The following ACAP2 variants were observed in gnomAD, a reference collection of about 807,000 sequenced individuals.
ACAP2 encodes the protein ArfGAP with coiled-coil, ankyrin repeat and PH domains 2, also known as arf-GAP with coiled-coil, ANK repeat and PH domain-containing protein 2.
In ACAP2, 39 loss-of-function variants were observed where a neutral mutation model predicts 115.8. The observed-to-expected ratio is 0.34, with a 90% CI of 0.26 to 0.44. ACAP2 has a LOEUF of 0.44. Ranked by LOEUF, ACAP2 falls within the 20% of genes least tolerant of loss-of-function variation. The pLI is 1.00. For synonymous variants in ACAP2, 289 were observed against 315.8 expected (o/e 0.92, Z 0.90); for missense variants, 662 against 927.6 (o/e 0.71, Z 3.72).
intron 21 of ACAP2, among the ~76,000 whole-genome samples, chr3:195,286,989 T>C (rs1300929485): frequency 6.6e-6 from 1 of 152,216 alleles, no homozygotes; most frequent in African/African-American, 2.4e-5. Context: ...ATAATAACAG[T>C]AACCCCTCCT....
chr3:195,368,349 C>T (rs1475826051), intron 4 of ACAP2, among the ~76,000 whole-genome samples: 1 of 152,128 alleles, frequency 6.6e-6, no homozygotes, highest in Non-Finnish European at 1.5e-5. Flanking sequence ...GGGGTTTCAC[C>T]ATGTTGGCCA....
Position 195,382,879 on chromosome 3 carries a change from G to C in ACAP2, c.112-857C>G, listed in dbSNP as rs1291955890. The stretch of plus-strand genomic sequence containing the variant: ...AACTACTATGACAAAACTATGCATG[G>C]AAAAAAAAAAAAAAGGAAGACCATC... On this transcript the variant is annotated intron_variant, in intron 2 of 22. Transcript: ENST00000326793. 4.4e-5 allele frequency among the ~76,000 whole-genome samples: 6 copies of C among 137,022 alleles called. No individual in the cohort carries two copies. In the Admixed American group the frequency reaches 4.4e-4, roughly 10 times the overall value. 89.9% of individuals were successfully genotyped at this position (137,022 alleles called of 152,430 possible). A position where few individuals can be genotyped will look rare whatever the true frequency, so the allele number is the denominator to read the frequency against.
intron 8 of ACAP2, among the ~76,000 whole-genome samples, chr3:195,331,034 T>C (rs997783926): frequency 6.6e-6 from 1 of 152,220 alleles, no homozygotes; most frequent in Non-Finnish European, 1.5e-5. Context: ...AATAAAACTC[T>C]TTTTTAAATT....
chr3:195,425,757 G>A (rs1714637424), intron 1 of ACAP2, among the ~76,000 whole-genome samples: 1 of 151,990 alleles, frequency 6.6e-6, no homozygotes, highest in Non-Finnish European at 1.5e-5. Context: ...CATCCACCCA[G>A]CTGCTAAAGC....
intron 11 of ACAP2, among the ~76,000 whole-genome samples, chr3:195,307,905 T>A (rs1560225619): frequency 6.6e-6 from 1 of 152,176 alleles, no homozygotes; most frequent in Non-Finnish European, 1.5e-5. Context: ...GCAAGTAAAA[T>A]TTCATATTGT....
intron 8 of ACAP2, among the ~76,000 whole-genome samples, chr3:195,332,625 C>T (rs929571642): frequency 2.6e-5 from 4 of 152,128 alleles, no homozygotes; most frequent in South Asian, 2.1e-4. Context: ...ATTATAATCC[C>T]CATAATCCTC....
chr3:195,351,629 T>A (rs113766420), intron 4 of ACAP2, among the ~76,000 whole-genome samples: 3,250 of 151,742 alleles, frequency 0.021, 111 homozygotes, highest in East Asian at 0.1. Flanking sequence ...CACGCCCAGC[T>A]AATTTTTTGT....
chr3:195,351,451 TGTGTGTGTGTGTG>T (rs2108672249), intron 4 of ACAP2, among the ~76,000 whole-genome samples: 1 of 75,008 alleles, frequency 1.3e-5, no homozygotes, highest in East Asian at 3.1e-3. Flanking sequence ...CGTGTGTGTG[TGTGTGTGTGTGTG>T]TGTGTGTGTG....
intron 9 of ACAP2, 140 bp downstream of exon 9, chr3:195,326,745 C>A (rs1729822358): frequency 1.5e-6 from 1 of 683,130 alleles, no homozygotes; most frequent in Non-Finnish European, 2.3e-6. Context: ...TTTTGCTCTT[C>A]AAAAACAAAA....
chr3:195,408,735 A>C (rs1263676211), intron 1 of ACAP2, among the ~76,000 whole-genome samples: 2 of 152,220 alleles, frequency 1.3e-5, no homozygotes, highest in Admixed American at 1.3e-4. Flanking sequence ...ACAGCATAGT[A>C]AAAGGATTAT....
At chr3:195,318,029 G>A (rs566852178) in intron 10 of ACAP2, among the ~76,000 whole-genome samples, 1 of 152,156 alleles carries the variant, frequency 6.6e-6, no homozygotes, top group Admixed American at 6.5e-5. Context: ...TGCTGTTCTC[G>A]TGATGGTGAG....
intron 2 of ACAP2, among the ~76,000 whole-genome samples, chr3:195,390,830 T>C (rs1477464620): frequency 1.3e-5 from 2 of 152,236 alleles, no homozygotes; most frequent in Admixed American, 6.5e-5. Flanking sequence ...ACATCTGATT[T>C]ATCTCCAGAA....
intron 7 of ACAP2, 48 bp downstream of exon 7, chr3:195,336,884 T>C: frequency 1.4e-6 from 2 of 1,427,372 alleles, no homozygotes; most frequent in Non-Finnish European, 2.0e-6. Context: ...TACGTACATT[T>C]AGTTTCATAT....
chr3:195,432,728 T>C (rs1010727679), intron 1 of ACAP2, among the ~76,000 whole-genome samples: 2 of 152,204 alleles, frequency 1.3e-5, no homozygotes, highest in African/African-American at 4.8e-5. Context: ...AAGAAACCGG[T>C]TGGAATTTTC....
In ACAP2 at chr3:195,279,199, T is replaced by C; in HGVS notation, c.*129A>G. 2 of 590,046 alleles carry C rather than the reference T, an allele frequency of 3.4e-6. No homozygotes were observed. The highest frequency in any genetic ancestry group is 2.0e-5 in the African/African-American group (1 of 51,140). 36.6% of individuals were successfully genotyped at this position (590,046 alleles called of 1,614,324 possible). A position where few individuals can be genotyped will look rare whatever the true frequency, so the allele number is the denominator to read the frequency against. The stretch of plus-strand genomic sequence containing the variant: ...TTTAATTTATAAATATATGAATGGG[T>C]ACCTCTTTTCCAAGCCATTCAATAT... On this transcript the variant is annotated 3_prime_UTR_variant, in exon 23 of 23. Transcript: ENST00000326793.
At chr3:195,349,078 A>G (rs1386908933) in intron 4 of ACAP2, among the ~76,000 whole-genome samples, 1 of 147,770 alleles carries the variant, frequency 6.8e-6, no homozygotes, top group Non-Finnish European at 1.5e-5. Flanking sequence ...CAAAAAAAAA[A>G]CTGCTAAAAT....
chr3:195,300,232 A>G (rs1727959981), intron 15 of ACAP2, among the ~76,000 whole-genome samples: 2 of 151,932 alleles, frequency 1.3e-5, no homozygotes, highest in Admixed American at 1.3e-4. Context: ...TTTTTAATAG[A>G]GACAGTTTCA....
In ACAP2 at chr3:195,279,305, T is replaced by A; in HGVS notation, c.*23A>T. On this transcript the variant is annotated 3_prime_UTR_variant, in exon 23 of 23. Coordinates refer to ENST00000326793, the MANE Select transcript of ACAP2 (RefSeq NM_012287.6). ...TACATTAGGGGGTCACCAGATTTCA[T>A]ATTTTCCCATTTTTAAAAAAATTCA... 6.5e-7 allele frequency: 1 copy of A among 1,529,360 alleles called. No individual in the cohort carries two copies. The highest frequency in any genetic ancestry group is 9.0e-7 in the Non-Finnish European group (1 of 1,111,942). 94.7% of individuals were successfully genotyped at this position (1,529,360 alleles called of 1,614,324 possible). A position where few individuals can be genotyped will look rare whatever the true frequency, so the allele number is the denominator to read the frequency against.
chr3:195,352,084 C>T (rs556127887), intron 4 of ACAP2, among the ~76,000 whole-genome samples: 2 of 152,056 alleles, frequency 1.3e-5, no homozygotes, highest in Non-Finnish European at 2.9e-5. Context: ...AAAGACAGGC[C>T]GCACATATAA....
Sources: allele counts gnomAD v4.1 joint callset (sites outside exome capture counted in the v4.1 genomes callset), GRCh38; gene constraint gnomAD v4.1.1; transcripts MANE v1.5; gene names NCBI Gene and HGNC (gene_info 2026-07-23, HGNC 2026-07-21).